The following PDE3B variants were observed in gnomAD, a reference collection of about 807,000 sequenced individuals.
PDE3B encodes cGMP-inhibited 3',5'-cyclic phosphodiesterase 3B.
PDE3B carries 66 observed loss-of-function variants against 116.8 expected under a neutral mutation model. The observed-to-expected ratio is 0.56, with a 90% CI of 0.46 to 0.69. The LOEUF is 0.69. Ranked by LOEUF, PDE3B falls within the 30% of genes least tolerant of loss-of-function variation. The pLI is 0.00. For synonymous variants in PDE3B, 595 were observed against 533.6 expected (o/e 1.12, Z -1.59); for missense variants, 1,384 against 1,368.1 (o/e 1.01, Z -0.18).
At chr11:14,889,473 T>C in the PDE3B span, among the ~76,000 whole-genome samples, 2 of 152,234 alleles carry the variant, frequency 1.3e-5, no homozygotes, top group Non-Finnish European at 2.9e-5. Flanking sequence ...ATCTAAGGCA[T>C]AGTGAGGCAA....
chr11:14,721,105 G>T (rs1156831747), intron 1 of PDE3B, among the ~76,000 whole-genome samples: 1 of 148,382 alleles, frequency 6.7e-6, no homozygotes, highest in African/African-American at 2.5e-5. Context: ...CCATCAAAAA[G>T]TGGGCAAAGG....
chr11:14,762,039 G>A (rs541693086), intron 1 of PDE3B, among the ~76,000 whole-genome samples: 1 of 152,118 alleles, frequency 6.6e-6, no homozygotes, highest in Admixed American at 6.6e-5. Context: ...GGGTGTGGTG[G>A]TTCATGCCTG....
At chr11:14,839,279 G>A (rs1055068180) in intron 11 of PDE3B, among the ~76,000 whole-genome samples, 5 of 152,156 alleles carry the variant, frequency 3.3e-5, no homozygotes, top group African/African-American at 1.2e-4. Flanking sequence ...CATCGTTGTA[G>A]GAAGGATCAA....
chr11:14,660,673 G>A (rs1853873638), intron 1 of PDE3B, among the ~76,000 whole-genome samples: 1 of 151,872 alleles, frequency 6.6e-6, no homozygotes. Context: ...TTTCTAATAT[G>A]CCTTACATTA....
chr11:14,753,529 T>A (rs1857109525), intron 1 of PDE3B, among the ~76,000 whole-genome samples: 1 of 152,120 alleles, frequency 6.6e-6, no homozygotes, highest in South Asian at 2.1e-4. Context: ...AAAATTACGA[T>A]GGTAAGAATC....
At chr11:14,735,654 C>A (rs530804134) in intron 1 of PDE3B, among the ~76,000 whole-genome samples, 2 of 152,258 alleles carry the variant, frequency 1.3e-5, no homozygotes, top group South Asian at 4.1e-4. Flanking sequence ...AATCTAGTCC[C>A]TCAGTCACAC....
Position 14,869,725 on chromosome 11 carries a change from A to G in PDE3B, c.*65A>G. 1 of 1,340,008 alleles carries G rather than the reference A, an allele frequency of 7.5e-7. No homozygotes were observed. The highest frequency in any genetic ancestry group is 1.1e-6 in the Non-Finnish European group (1 of 949,254). The allele number at this position is 1,340,008 out of a possible 1,614,324, so 83.0% of individuals were successfully genotyped here. On this transcript the variant is annotated 3_prime_UTR_variant, in exon 16 of 16. Transcript: ENST00000282096. ...CAGAGGGTTGTGCCCAGGGGCAGAAATCATTGCCTAGTGTTCACCGGCTGA... is the reference window on the plus strand; with the variant it reads ...CAGAGGGTTGTGCCCAGGGGCAGAAGTCATTGCCTAGTGTTCACCGGCTGA...
chr11:14,753,214 A>C (rs998415148), intron 1 of PDE3B, among the ~76,000 whole-genome samples: 3 of 152,168 alleles, frequency 2.0e-5, no homozygotes, highest in African/African-American at 7.2e-5. Flanking sequence ...AATTACAAGC[A>C]TATTTTCAGT....
At chr11:14,850,897 C>G (rs755341328) in intron 12 of PDE3B, among the ~76,000 whole-genome samples, 8 of 151,930 alleles carry the variant, frequency 5.3e-5, no homozygotes, top group South Asian at 2.1e-4. Flanking sequence ...GGGGCATTCT[C>G]GGCTTACTGC....
rs368707556 is a variant in PDE3B at position 14,709,271 on chromosome 11, G to A, written c.979-62666G>A. On this transcript the variant is annotated intron_variant, in intron 1 of 15. Coordinates refer to ENST00000282096, the MANE Select transcript of PDE3B (RefSeq NM_000922.4). ...CCCATGTAAATGCTACCATTGTAGAGCAATGTTTTGTAGTCTTTTGCAGTC... is the reference window on the plus strand; with the variant it reads ...CCCATGTAAATGCTACCATTGTAGAACAATGTTTTGTAGTCTTTTGCAGTC... Among the ~76,000 whole-genome samples, 879 of 152,212 alleles carry A rather than the reference G, an allele frequency of 5.8e-3. 10 individuals are homozygous for A. The highest frequency in any genetic ancestry group is 0.02 in the African/African-American group (849 of 41,540).
At chr11:14,651,981 ACTTTTT>A (rs1364683056) in intron 1 of PDE3B, among the ~76,000 whole-genome samples, 2 of 152,166 alleles carry the variant, frequency 1.3e-5, no homozygotes, top group Admixed American at 1.3e-4. Flanking sequence ...AAGTTTATCT[ACTTTTT>A]CTTTTGTTGC....
intron 12 of PDE3B, among the ~76,000 whole-genome samples, chr11:14,844,321 C>T (rs546418081): frequency 1.3e-5 from 2 of 152,326 alleles, no homozygotes; most frequent in African/African-American, 2.4e-5. Flanking sequence ...ACCAGCAAAA[C>T]TCTGACTGTA....
At chr11:14,884,844 G>A in the PDE3B span, among the ~76,000 whole-genome samples, 1 of 151,808 alleles carries the variant, frequency 6.6e-6, no homozygotes, top group East Asian at 1.9e-4. Flanking sequence ...TACTGTGATT[G>A]CATCATCTTT....
rs1860210848 is a variant in PDE3B, at chr11:14,841,162, G to C, written c.2321-2665G>C. Among the ~76,000 whole-genome samples, 3 of 151,788 alleles carry C rather than the reference G, an allele frequency of 2.0e-5. No individual in the cohort carries two copies. In the South Asian group the frequency reaches 6.2e-4, roughly 32 times the overall value. The stretch of plus-strand genomic sequence containing the variant: ...GAAGGCCTTAATAGAAACAAAGAGT[G>C]ACCTCCTCTGAGCAAACAGGAATTC... On this transcript the variant is annotated intron_variant, in intron 11 of 15. Coordinates refer to ENST00000282096, the MANE Select transcript of PDE3B (RefSeq NM_000922.4).
chr11:14,858,358 C>T (rs1364439798), intron 12 of PDE3B, among the ~76,000 whole-genome samples: 1 of 152,082 alleles, frequency 6.6e-6, no homozygotes, highest in African/African-American at 2.4e-5. Context: ...ATTCTATACT[C>T]CACTGATTTT....
intron 4 of PDE3B, among the ~76,000 whole-genome samples, chr11:14,803,231 C>G (rs1858825374): frequency 6.6e-6 from 1 of 152,040 alleles, no homozygotes; most frequent in South Asian, 2.1e-4. Flanking sequence ...AATAAAAGTT[C>G]CAAAATTTGG....
intron 12 of PDE3B, among the ~76,000 whole-genome samples, chr11:14,844,484 A>C (rs536506273): frequency 2.6e-5 from 4 of 152,326 alleles, no homozygotes; most frequent in South Asian, 4.1e-4. Flanking sequence ...GACAGTGGGC[A>C]CAGGACAGTG....
chr11:14,819,008 G>C, intron 6 of PDE3B, 128 bp from the exon 7 acceptor site: 1 of 543,260 alleles, frequency 1.8e-6, no homozygotes, highest in Non-Finnish European at 3.4e-6. Flanking sequence ...ACTTTATGGA[G>C]AGATTGGAAT....
chr11:14,778,618 G>A (rs1466485639), intron 2 of PDE3B, among the ~76,000 whole-genome samples: 2 of 152,180 alleles, frequency 1.3e-5, no homozygotes, highest in Admixed American at 1.3e-4. Flanking sequence ...ACTGTTAGAA[G>A]GAAAACTAAC....
Sources: allele counts gnomAD v4.1 joint callset (sites outside exome capture counted in the v4.1 genomes callset), GRCh38; gene constraint gnomAD v4.1.1; transcripts MANE v1.5; gene names NCBI Gene and HGNC (gene_info 2026-07-23, HGNC 2026-07-21).